Variants in LMBRD2 observed in about 807,000 individuals in gnomAD.
The protein encoded by LMBRD2 is LMBR1 domain containing 2, also known as G protein-coupled receptor-associated protein LMBRD2.
A neutral mutation model predicts 94.4 loss-of-function variants in LMBRD2; 55 were observed. The ratio of observed to expected loss-of-function variants is 0.58; its 90% CI spans 0.47 to 0.73. LMBRD2 has a LOEUF of 0.73. Ranked by LOEUF, LMBRD2 falls within the 30% of genes least tolerant of loss-of-function variation. LMBRD2 has a pLI of 0.00. For synonymous variants in LMBRD2, 246 were observed against 272.4 expected, an observed-to-expected ratio of 0.90 and a Z score of 0.95; for missense variants, 640 against 831.9, an observed-to-expected ratio of 0.77 and a Z score of 2.84.
At chr5:36,144,193 T>A (rs987088796) in intron 1 of LMBRD2, among the ~76,000 whole-genome samples, 1 of 152,076 alleles carries the variant, frequency 6.6e-6, no homozygotes, top group African/African-American at 2.4e-5. Flanking sequence ...AAAGTTAGAG[T>A]ATAGAGATTT....
At chr5:36,107,066 C>G (rs1743489454) in intron 16 of LMBRD2, among the ~76,000 whole-genome samples, 1 of 152,146 alleles carries the variant, frequency 6.6e-6, no homozygotes, top group African/African-American at 2.4e-5. Context: ...AAGATAAGCC[C>G]TCTTTTTCAA....
rs138821843 is a variant in LMBRD2, at chr5:36,117,180, A to T, written c.1302+555T>A. ...ACTCTTCACATGAGGCCTATAAGTT[A>T]TGTAGCTTTACTGGCATAAATATAA... On this transcript the variant is annotated intron_variant, in intron 10 of 17. Transcript: ENST00000296603. Among the ~76,000 whole-genome samples the T allele has an allele frequency of 2.3e-3, 356 of 152,226 alleles. 1 individual carries two copies. The highest frequency in any genetic ancestry group is 4.1e-3 in the Non-Finnish European group (282 of 68,004).
chr5:36,148,439 A>C (rs1039135697), intron 1 of LMBRD2, among the ~76,000 whole-genome samples: 3 of 152,184 alleles, frequency 2.0e-5, no homozygotes, highest in South Asian at 2.1e-4. Flanking sequence ...AAGAACTAAA[A>C]TTTTACTGAA....
At chr5:36,118,947 C>T (rs943374988) in intron 9 of LMBRD2, among the ~76,000 whole-genome samples, 1 of 152,060 alleles carries the variant, frequency 6.6e-6, no homozygotes, top group Non-Finnish European at 1.5e-5. Flanking sequence ...CCCACCTCGG[C>T]CTCACAAAGT....
intron 1 of LMBRD2, chr5:36,147,793 TGA>T (rs147065942): frequency 0.013 from 3,886 of 307,858 alleles, 1 homozygote; most frequent in South Asian, 0.022. Context: ...CCAAATGTTT[TGA>T]GAGAGAGAGA....
At chr5:36,112,901 C>T (rs781094379) in intron 13 of LMBRD2, among the ~76,000 whole-genome samples, 14 of 152,174 alleles carry the variant, frequency 9.2e-5, no homozygotes, top group Non-Finnish European at 1.8e-4. Context: ...GTTTTAGGCA[C>T]ACAAAGTATG....
In LMBRD2 at chr5:36,111,268, G is replaced by A. The variant is rs1743598447; in HGVS notation, c.1641-10C>T. 1.3e-6 allele frequency: 2 copies of A among 1,573,434 alleles called. No homozygotes were observed. Among genetic ancestry groups the A allele is most frequent in the South Asian group, 2.2e-5 (2 of 89,134 alleles). The stretch of plus-strand genomic sequence containing the variant: ...ACAACGGGTTCCCAAACTAATAAAA[G>A]CAGATTTTTTAAAAAGACAAACATT... On this transcript the variant is annotated splice_polypyrimidine_tract_variant and intron_variant, in intron 13 of 17. Transcript: ENST00000296603.
At chr5:36,116,202 C>G (rs1743740466) in intron 11 of LMBRD2, among the ~76,000 whole-genome samples, 1 of 152,152 alleles carries the variant, frequency 6.6e-6, no homozygotes, top group African/African-American at 2.4e-5. Context: ...GCTTGCTAAT[C>G]TCTGGTTGGT....
At chr5:36,105,728 T>C (rs1287586923) in intron 16 of LMBRD2, among the ~76,000 whole-genome samples, 1 of 152,208 alleles carries the variant, frequency 6.6e-6, no homozygotes, top group East Asian at 1.9e-4. Flanking sequence ...GTGAAATTAA[T>C]TTTAATATAT....
At chr5:36,130,352 T>G (rs534730285) in intron 6 of LMBRD2, among the ~76,000 whole-genome samples, 1 of 152,274 alleles carries the variant, frequency 6.6e-6, no homozygotes, top group East Asian at 1.9e-4. Flanking sequence ...AATGTCAAGT[T>G]GTCATCAGTT....
intron 15 of LMBRD2, among the ~76,000 whole-genome samples, chr5:36,109,624 C>G (rs910098761): frequency 3.3e-5 from 5 of 151,880 alleles, no homozygotes; most frequent in African/African-American, 1.2e-4. Context: ...TTAAAGCAAT[C>G]AAAACCACTT....
At chr5:36,147,794 G>T in intron 1 of LMBRD2, 1 of 238,008 alleles carries the variant, frequency 4.2e-6, no homozygotes. Flanking sequence ...CAAATGTTTT[G>T]AGAGAGAGAG....
chr5:36,136,232 A>G, intron 6 of LMBRD2, 77 bp downstream of exon 6: 1 of 1,396,814 alleles, frequency 7.2e-7, no homozygotes, highest in Admixed American at 1.7e-5. Context: ...CACTAACAAC[A>G]ACAACAAACC....
intron 5 of LMBRD2, among the ~76,000 whole-genome samples, chr5:36,136,899 G>T (rs955972410): frequency 3.3e-5 from 5 of 151,454 alleles, no homozygotes; most frequent in Non-Finnish European, 7.4e-5. Flanking sequence ...TAAATCCAAG[G>T]TAACATTAAG....
intron 1 of LMBRD2, among the ~76,000 whole-genome samples, chr5:36,150,810 T>C (rs768321213): frequency 6.6e-6 from 1 of 152,188 alleles, no homozygotes; most frequent in Non-Finnish European, 1.5e-5. Flanking sequence ...GGCAGTTACT[T>C]TTCAAGCTAA....
At chr5:36,143,470 T>A (rs2111912237) in intron 1 of LMBRD2, 64 bp from the exon 2 acceptor site, 1 of 648,664 alleles carries the variant, frequency 1.5e-6, no homozygotes, top group Middle Eastern at 4.0e-4. Context: ...GGAAATTTCA[T>A]CTGAATATTT....
At chr5:36,149,419 G>C (rs1379744121) in intron 1 of LMBRD2, among the ~76,000 whole-genome samples, 3 of 152,228 alleles carry the variant, frequency 2.0e-5, no homozygotes, top group Non-Finnish European at 4.4e-5. Flanking sequence ...TATTTCTCGT[G>C]TAAGTCTTGA....
chr5:36,131,270 G>A (rs530913434), intron 6 of LMBRD2, among the ~76,000 whole-genome samples: 14 of 152,162 alleles, frequency 9.2e-5, no homozygotes, highest in Non-Finnish European at 1.5e-4. Context: ...AGAAAGCATT[G>A]ATAAAATTCG....
chr5:36,109,933 T>C lies in LMBRD2; in HGVS notation c.1791+12A>G, dbSNP rs1743563943. 1 of 1,577,926 alleles carries C rather than the reference T, an allele frequency of 6.3e-7. No homozygotes were observed. The highest frequency in any genetic ancestry group is 8.7e-7 in the Non-Finnish European group (1 of 1,149,782). ...TTAATCTTCAGATTACAGAAATTAA[T>C]ACTGTACTTACTCTTCTTCGATTTT... On this transcript the variant is annotated intron_variant, in intron 15 of 17. Coordinates refer to ENST00000296603, the MANE Select transcript of LMBRD2 (RefSeq NM_001007527.2).
Sources: allele counts gnomAD v4.1 joint callset (sites outside exome capture counted in the v4.1 genomes callset), GRCh38; gene constraint gnomAD v4.1.1; transcripts MANE v1.5; gene names NCBI Gene and HGNC (gene_info 2026-07-23, HGNC 2026-07-21).